The following LRIG1 variants were observed in gnomAD, a reference collection of about 807,000 sequenced individuals.
LRIG1 encodes leucine rich repeats and immunoglobulin like domains 1, also known as leucine-rich repeats and immunoglobulin-like domains protein 1.
A neutral mutation model predicts 99.2 loss-of-function variants in LRIG1; 48 were observed. The ratio of observed to expected loss-of-function variants is 0.48; its 90% CI spans 0.38 to 0.62. The LOEUF is 0.62. Ranked by LOEUF, LRIG1 falls within the 20% of genes least tolerant of loss-of-function variation. The probability of loss-of-function intolerance (pLI) is 0.00; values close to 1 mark genes in which losing one functional copy is unlikely to be tolerated. For synonymous variants in LRIG1, 772 were observed against 596.1 expected (o/e 1.29, Z -4.30); for missense variants, 1,646 against 1,434.4 (o/e 1.15, Z -2.38).
At chr3:66,420,349 T>C (rs1702762233) in intron 3 of LRIG1, among the ~76,000 whole-genome samples, 1 of 152,154 alleles carries the variant, frequency 6.6e-6, no homozygotes, top group South Asian at 2.1e-4. Context: ...AGTGAAACCC[T>C]GTATGCCAGT....
intron 13 of LRIG1, among the ~76,000 whole-genome samples, chr3:66,385,204 G>A (rs1163781812): frequency 6.6e-6 from 1 of 152,044 alleles, no homozygotes; most frequent in African/African-American, 2.4e-5. Context: ...CTCCAAGGCT[G>A]GTTAATGAGT....
intron 1 of LRIG1, among the ~76,000 whole-genome samples, chr3:66,499,490 C>T (rs914449842): frequency 2.6e-5 from 4 of 152,102 alleles, no homozygotes; most frequent in African/African-American, 9.7e-5. Context: ...AACACAGTTC[C>T]GTAAAATGCC....
chr3:66,417,155 A>C lies in LRIG1; in HGVS notation c.477T>G (p.Phe159Leu). The change falls in exon 4 of 19, where the codon TTT becomes TTG. Residue 159 changes from phenylalanine (F) to leucine (L), a missense_variant. Phe to Leu is a conservative substitution (Grantham distance 22, BLOSUM62 0). Transcript: ENST00000273261. ...NNITEVRNTC[F>L]PHGPPIKELN... ...GCTCCTTTATAGGCGGTCCGTGTGG[A>C]AAGCAGGTGTTCCGCACTTCCGTGA... 6.2e-7 allele frequency: 1 copy of C among 1,614,176 alleles called. No individual in the cohort carries two copies.
At chr3:66,473,998 G>A (rs1379684221) in intron 1 of LRIG1, among the ~76,000 whole-genome samples, 1 of 152,176 alleles carries the variant, frequency 6.6e-6, no homozygotes, top group African/African-American at 2.4e-5. Context: ...CATTTTCCCT[G>A]TTTAGAGGCG....
chr3:66,406,608 G>A (rs1029531459), intron 8 of LRIG1, among the ~76,000 whole-genome samples: 6 of 152,192 alleles, frequency 3.9e-5, no homozygotes, highest in African/African-American at 1.4e-4. Flanking sequence ...CGCCACCACT[G>A]TCCTCTGAAA....
chr3:66,484,673 C>T (rs576835118), intron 1 of LRIG1, among the ~76,000 whole-genome samples: 7 of 152,112 alleles, frequency 4.6e-5, no homozygotes, highest in East Asian at 1.9e-4. Flanking sequence ...GTAAGAAGCG[C>T]GATGAGGGGC....
chr3:66,495,273 TTTCCTCCACCC>T (rs1701200511), intron 1 of LRIG1, among the ~76,000 whole-genome samples: 2 of 152,210 alleles, frequency 1.3e-5, no homozygotes, highest in Admixed American at 1.3e-4. Flanking sequence ...CCTGGGAATT[TTTCCTCCACCC>T]GTCCTCCCTC....
At position 66,386,196 on chromosome 3, in the gene LRIG1, G is replaced by A. The variant is rs763471172; in HGVS notation, c.1574C>T (p.Pro525Leu). Residue 525 changes from proline (P) to leucine (L), a missense_variant, in exon 13 of 19, where the codon CCC (proline) becomes CTC (leucine). Coordinates refer to ENST00000273261, the MANE Select transcript of LRIG1 (RefSeq NM_015541.3). ...TCSAASSSSSPMTFAWKKDNE... is the reference protein window; with the variant it reads ...TCSAASSSSSLMTFAWKKDNE... ...GTCTTTCTTCCAGGCAAAGGTCATG[G>A]GGGAGCTGCTGCTGCTGGCTGCTGA... is the stretch of plus-strand genomic sequence containing the variant. 3 of 1,614,120 alleles carry A rather than the reference G, an allele frequency of 1.9e-6. No individual in the cohort carries two copies. The highest frequency in any genetic ancestry group is 2.5e-6 in the Non-Finnish European group (3 of 1,180,004).
chr3:66,425,120 A>G (rs1413031769), intron 3 of LRIG1, among the ~76,000 whole-genome samples: 1 of 152,246 alleles, frequency 6.6e-6, no homozygotes, highest in Non-Finnish European at 1.5e-5. Context: ...GAGCTTGCCC[A>G]AGGTCACACA....
In LRIG1 at chr3:66,500,208, G is replaced by A. The variant is rs1376841686; in HGVS notation, c.200C>T (p.Pro67Leu). The A allele has an allele frequency of 1.3e-6, 2 of 1,515,162 alleles. No homozygotes were observed. The highest frequency in any genetic ancestry group is 1.2e-5 in the South Asian group (1 of 83,092). The allele number at this position is 1,515,162 out of a possible 1,614,324, so 93.9% of individuals were successfully genotyped here. A position where few individuals can be genotyped will look rare whatever the true frequency, so the allele number is the denominator to read the frequency against. ...RGLAALPGDL[P>L]SWTRSLNLSY... ...CACTCACAGGCTCCGCGTCCAGGAG[G>A]GCAGGTCCCCGGGCAACGCAGCCAG... The change falls in exon 1 of 19, where the codon CCC (proline) becomes CTC (leucine). Residue 67 changes from proline (P) to leucine (L), a missense_variant. Coordinates refer to ENST00000273261, the MANE Select transcript of LRIG1 (RefSeq NM_015541.3).
chr3:66,425,274 T>G (rs545062291), intron 3 of LRIG1, among the ~76,000 whole-genome samples: 1 of 152,334 alleles, frequency 6.6e-6, no homozygotes, highest in Admixed American at 6.5e-5. Flanking sequence ...AATCTGAACA[T>G]TAGCTGGCCA....
At chr3:66,490,647 A>T (rs200841091) in intron 1 of LRIG1, among the ~76,000 whole-genome samples, 2 of 1,258 alleles carry the variant, frequency 1.6e-3, no homozygotes, top group Admixed American at 0.2. Flanking sequence ...CCATAATTTA[A>T]AAAAAAAAAA....
chr3:66,490,323 G>A (rs1417070239), intron 1 of LRIG1, among the ~76,000 whole-genome samples: 1 of 152,178 alleles, frequency 6.6e-6, no homozygotes, highest in Non-Finnish European at 1.5e-5. Context: ...TCGAGCTGCA[G>A]CCTCTGCATC....
intron 5 of LRIG1, among the ~76,000 whole-genome samples, chr3:66,414,279 C>T (rs976016043): frequency 2.6e-5 from 4 of 152,078 alleles, no homozygotes; most frequent in Non-Finnish European, 4.4e-5. Context: ...TGCCTGTAGT[C>T]CCAGCTGCTC....
intron 2 of LRIG1, among the ~76,000 whole-genome samples, chr3:66,452,767 GC>G (rs1703949259): frequency 6.6e-6 from 1 of 152,112 alleles, no homozygotes; most frequent in Admixed American, 6.5e-5. Context: ...AAAAGGAAAG[GC>G]CTTGAATTAT....
intron 3 of LRIG1, among the ~76,000 whole-genome samples, chr3:66,419,962 T>G (rs1702750908): frequency 6.6e-6 from 1 of 152,250 alleles, no homozygotes; most frequent in Non-Finnish European, 1.5e-5. Context: ...CCACTTACAG[T>G]CTATTCCCAA....
chr3:66,469,647 G>A (rs1027896133), intron 1 of LRIG1, among the ~76,000 whole-genome samples: 1 of 152,052 alleles, frequency 6.6e-6, no homozygotes, highest in African/African-American at 2.4e-5. Context: ...TTTCCCTCTA[G>A]CACCCAACAA....
At chr3:66,478,253 G>A (rs924751517) in intron 1 of LRIG1, among the ~76,000 whole-genome samples, 1 of 152,176 alleles carries the variant, frequency 6.6e-6, no homozygotes, top group Non-Finnish European at 1.5e-5. Context: ...AGTGCATGTA[G>A]GTGGTCCTGA....
At chr3:66,441,386 G>A (rs1703533171) in intron 3 of LRIG1, among the ~76,000 whole-genome samples, 1 of 152,176 alleles carries the variant, frequency 6.6e-6, no homozygotes, top group Non-Finnish European at 1.5e-5. Flanking sequence ...TTTGGGCTCT[G>A]CCGAGACCTG....
Sources: gnomAD v4.1 joint callset for allele counts (sites outside exome capture counted in the v4.1 genomes callset) on GRCh38, gnomAD v4.1.1 for gene constraint, MANE v1.5 for transcripts, NCBI Gene and HGNC (gene_info 2026-07-23, HGNC 2026-07-21) for gene names.